SRPK1: variants seen among roughly 807,000 people sequenced by gnomAD.
SRPK1 encodes SRSF protein kinase 1, also known as SFRS protein kinase 1.
Under a neutral mutation model 89.5 loss-of-function variants are expected in SRPK1, and 52 were observed. The observed-to-expected ratio is 0.58, with a 90% confidence interval of 0.46 to 0.73. SRPK1 has a LOEUF of 0.73. SRPK1 is among the 30% of genes least tolerant of loss of function. The pLI is 0.00. For synonymous variants in SRPK1, 255 were observed against 270.2 expected (o/e 0.94, Z 0.55); for missense variants, 603 against 780.6 (o/e 0.77, Z 2.71).
chr6:35,914,279 G>T (rs141061141), intron 2 of SRPK1, among the ~76,000 whole-genome samples: 1 of 151,982 alleles, frequency 6.6e-6, no homozygotes, highest in East Asian at 1.9e-4. Flanking sequence ...ACCTGGCTAG[G>T]ATACATTCTT....
chr6:35,881,625 T>C (rs1364651543), intron 6 of SRPK1, among the ~76,000 whole-genome samples: 2 of 151,744 alleles, frequency 1.3e-5, no homozygotes, highest in Admixed American at 1.3e-4. Flanking sequence ...CAAAATAGAT[T>C]TTCAATCAGA....
intron 13 of SRPK1, among the ~76,000 whole-genome samples, chr6:35,843,132 C>G (rs1430597863): frequency 6.6e-6 from 1 of 151,752 alleles, no homozygotes. Flanking sequence ...CCACGCCCAG[C>G]TAATTTTTTG....
In SRPK1 at chr6:35,870,279, A is replaced by C; in HGVS notation, c.991+2T>G. On this transcript the variant is annotated splice_donor_variant, in intron 10 of 15. Transcript: ENST00000373825. LOFTEE classifies it high-confidence loss of function. ...GTAATTTTCGTGATGTTCTATTTAT[A>C]CCAAGTTTTTCTTGGGTCATTTTAT... 1 of 1,610,838 alleles carries C rather than the reference A, an allele frequency of 6.2e-7. No homozygotes were observed. The highest frequency in any genetic ancestry group is 8.5e-7 in the Non-Finnish European group (1 of 1,178,618).
rs146407963 is a variant in SRPK1 at position 35,908,854 on chromosome 6, G to A, written c.74+11614C>T. Among the ~76,000 whole-genome samples the A allele has an allele frequency of 3.3e-4, 50 of 152,342 alleles. 2 individuals are homozygous for A. In the East Asian group the frequency reaches 8.9e-3, roughly 27 times the overall value. ...GTACAGCTTGGGCCATTGCTTCAGA[G>A]GGTTCAAGCCCCAAGCCTTGGCAGC... On this transcript the variant is annotated intron_variant, in intron 2 of 15. Coordinates refer to ENST00000373825, the MANE Select transcript of SRPK1 (RefSeq NM_003137.5).
At chr6:35,920,560 T>A (rs1384272348) in intron 1 of SRPK1, 32 bp from the exon 2 acceptor site, 1 of 1,607,800 alleles carries the variant, frequency 6.2e-7, no homozygotes, top group Non-Finnish European at 8.5e-7. Flanking sequence ...GAAGGGCGAA[T>A]GTGGAGGAAA....
intron 13 of SRPK1, among the ~76,000 whole-genome samples, chr6:35,853,940 T>C (rs1317774029): frequency 6.6e-6 from 1 of 151,856 alleles, no homozygotes; most frequent in East Asian, 1.9e-4. Context: ...ACAAATATTT[T>C]CCCCTTTCCC....
At chr6:35,861,701 C>A (rs1363391005) in intron 12 of SRPK1, among the ~76,000 whole-genome samples, 1 of 152,226 alleles carries the variant, frequency 6.6e-6, no homozygotes, top group Admixed American at 6.5e-5. Context: ...CTTGCCCTTT[C>A]GGGCTGACGT....
intron 2 of SRPK1, among the ~76,000 whole-genome samples, chr6:35,902,280 G>A (rs1310020288): frequency 6.6e-6 from 1 of 151,366 alleles, no homozygotes; most frequent in African/African-American, 2.4e-5. Context: ...AGTCTTGGTG[G>A]CATGTGCCTG....
At chr6:35,904,498 T>C (rs1335131925) in intron 2 of SRPK1, among the ~76,000 whole-genome samples, 1 of 152,200 alleles carries the variant, frequency 6.6e-6, no homozygotes, top group Non-Finnish European at 1.5e-5. Context: ...AAGTATACAA[T>C]GGTTTTTAAA....
Position 35,869,533 on chromosome 6 carries a change from G to T in SRPK1, c.1360C>A (p.Pro454Thr). ...QLQESIRAEI[P>T]CEDEQEQEHN... ...TCTTGCTCTTGTTCATCTTCACAGGGTATCTCTGCCCGAATGCTTTCTTGA... is the reference window on the plus strand; with the variant it reads ...TCTTGCTCTTGTTCATCTTCACAGGTTATCTCTGCCCGAATGCTTTCTTGA... Residue 454 changes from proline (P) to threonine (T), a missense_variant, in exon 11 of 16, where the codon CCC becomes ACC. Physicochemically the swap from Pro to Thr is conservative, Grantham distance 38. Transcript: ENST00000373825. 1.9e-6 allele frequency: 3 copies of T among 1,613,934 alleles called. No individual in the cohort carries two copies. The highest frequency in any genetic ancestry group is 2.5e-6 in the Non-Finnish European group (3 of 1,179,860).
intron 2 of SRPK1, among the ~76,000 whole-genome samples, chr6:35,898,999 A>T (rs1278001404): frequency 6.6e-6 from 1 of 152,052 alleles, no homozygotes; most frequent in African/African-American, 2.4e-5. Context: ...CGCCTCTACT[A>T]AAAATACAAA....
chr6:35,880,742 A>AAAAAG (rs781646186), intron 6 of SRPK1, among the ~76,000 whole-genome samples: 1 of 28,176 alleles, frequency 3.5e-5, no homozygotes, highest in Admixed American at 3.4e-4. Context: ...AAAGAAAAAA[A>AAAAAG]AAAAAAAAGA....
At chr6:35,894,173 T>C (rs1475654989) in intron 2 of SRPK1, among the ~76,000 whole-genome samples, 2 of 151,916 alleles carry the variant, frequency 1.3e-5, no homozygotes, top group African/African-American at 2.4e-5. Context: ...AGATAAGCAA[T>C]TGGAAAACTG....
intron 2 of SRPK1, among the ~76,000 whole-genome samples, chr6:35,912,035 T>C (rs368816498): frequency 2.8e-4 from 42 of 152,182 alleles, no homozygotes; most frequent in African/African-American, 9.9e-4. Context: ...CAGCCATCAA[T>C]ACTGAGGCAA....
intron 2 of SRPK1, among the ~76,000 whole-genome samples, chr6:35,917,029 CA>C (rs1157717520): frequency 6.6e-6 from 1 of 152,072 alleles, no homozygotes; most frequent in African/African-American, 2.4e-5. Context: ...CACTGCACTC[CA>C]GCCCGGGTGA....
At chr6:35,844,250 G>A (rs989454682) in intron 13 of SRPK1, among the ~76,000 whole-genome samples, 2 of 151,996 alleles carry the variant, frequency 1.3e-5, no homozygotes, top group Non-Finnish European at 2.9e-5. Context: ...TGATCCGCCT[G>A]CCTCGGCCTC....
intron 2 of SRPK1, among the ~76,000 whole-genome samples, chr6:35,910,696 T>C (rs911388623): frequency 1.3e-5 from 2 of 152,202 alleles, no homozygotes; most frequent in Non-Finnish European, 2.9e-5. Flanking sequence ...AAGGACAGGC[T>C]GACTCTTGTT....
chr6:35,912,572 C>T (rs190242466), intron 2 of SRPK1, among the ~76,000 whole-genome samples: 20 of 152,284 alleles, frequency 1.3e-4, no homozygotes, highest in Non-Finnish European at 2.4e-4. Context: ...TTGTGTGACT[C>T]GCTTTGAGGT....
At chr6:35,886,911 G>A (rs1770421084) in intron 5 of SRPK1, 100 bp from the exon 6 acceptor site, 2 of 659,402 alleles carry the variant, frequency 3.0e-6, no homozygotes, top group African/African-American at 1.8e-5. Context: ...ACAAGAAAGA[G>A]CTCACATAAA....
Sources: allele counts gnomAD v4.1 joint callset (sites outside exome capture counted in the v4.1 genomes callset), GRCh38; gene constraint gnomAD v4.1.1; transcripts MANE v1.5; gene names NCBI Gene and HGNC (gene_info 2026-07-23, HGNC 2026-07-21).